Variants in RNF144A observed in about 807,000 individuals in gnomAD.
RNF144A encodes the protein E3 ubiquitin-protein ligase RNF144A.
Under a neutral mutation model 38.7 loss-of-function variants are expected in RNF144A, and 11 were observed. The observed-to-expected ratio is 0.28, with a 90% CI of 0.18 to 0.47. RNF144A has a LOEUF of 0.47. Among genes scored for constraint, RNF144A ranks in the 20% least tolerant of loss-of-function variants. The probability of loss-of-function intolerance (pLI) is 0.99; values close to 1 mark genes in which losing one functional copy is unlikely to be tolerated. For synonymous variants in RNF144A, 149 were observed against 143.9 expected, an observed-to-expected ratio of 1.04 and a Z score of -0.25; for missense variants, 316 against 377.2, an observed-to-expected ratio of 0.84 and a Z score of 1.34.
In RNF144A at chr2:6,925,244, C is replaced by A. The variant is rs143087567; in HGVS notation, c.-212+7622C>A. On this transcript the variant is annotated intron_variant, in intron 1 of 8. Coordinates refer to ENST00000320892, the MANE Select transcript of RNF144A (RefSeq NM_014746.6). ...TGGGATGGGGCTGGCTGTATCCTCA[C>A]AGATCTCACTCACAGATTGCAGGCC... Among the ~76,000 whole-genome samples the A allele has an allele frequency of 3.3e-5, 5 of 152,246 alleles. No individual in the cohort carries two copies. The East Asian group carries it at 7.7e-4, about 24-fold the overall frequency.
intron 5 of RNF144A, among the ~76,000 whole-genome samples, chr2:7,018,137 C>G (rs1671263746): frequency 6.6e-6 from 1 of 152,154 alleles, no homozygotes; most frequent in South Asian, 2.1e-4. Context: ...GATGTCTGCT[C>G]CTTGCTGATG....
Position 7,040,044 on chromosome 2 carries a change from T to C in RNF144A, c.*284T>C. On this transcript the variant is annotated 3_prime_UTR_variant, in exon 9 of 9. Coordinates refer to ENST00000320892, the MANE Select transcript of RNF144A (RefSeq NM_014746.6). ...GTGAGAAGTGCACCAGGCAGCTTTC[T>C]CTCTGTGGTAGACTAGGCATGTCTG... The C allele has an allele frequency of 8.7e-7, 1 of 1,146,072 alleles. No homozygotes were observed. Among genetic ancestry groups the C allele is most frequent in the East Asian group, 5.7e-5 (1 of 17,588 alleles). 71.0% of individuals were successfully genotyped at this position (1,146,072 alleles called of 1,614,324 possible).
intron 5 of RNF144A, among the ~76,000 whole-genome samples, chr2:7,017,401 C>T (rs1461871195): frequency 6.6e-6 from 1 of 151,664 alleles, no homozygotes; most frequent in Non-Finnish European, 1.5e-5. Flanking sequence ...TGACTAGAGC[C>T]GACTCCTGAA....
At chr2:6,990,414 ACACACACACAC>A (rs1669266789) in intron 2 of RNF144A, among the ~76,000 whole-genome samples, 3 of 140,182 alleles carry the variant, frequency 2.1e-5, no homozygotes, top group Admixed American at 7.2e-5. Context: ...ACACACACAC[ACACACACACAC>A]ACACACACAC....
intron 3 of RNF144A, among the ~76,000 whole-genome samples, chr2:7,002,926 T>C (rs190755968): frequency 6.6e-6 from 1 of 152,212 alleles, no homozygotes; most frequent in East Asian, 1.9e-4. Context: ...GCCAGTGACA[T>C]GGATGATCCT....
chr2:6,967,461 T>C lies in RNF144A; in HGVS notation c.-12+26314T>C, dbSNP rs60194531. 0.034 allele frequency among the ~76,000 whole-genome samples: 5,196 copies of C among 152,216 alleles called. 713 individuals are homozygous for C. The East Asian group carries it at 0.48, about 14-fold the overall frequency. On this transcript the variant is annotated intron_variant, in intron 2 of 8. Coordinates refer to ENST00000320892, the MANE Select transcript of RNF144A (RefSeq NM_014746.6). ...CCATTGTGCCCCACCCTTGCCCCTT[T>C]CTGCATGGGGACTTTGAGGAGCCCC...
chr2:6,974,960 A>G (rs1217935345), intron 2 of RNF144A, among the ~76,000 whole-genome samples: 1 of 152,224 alleles, frequency 6.6e-6, no homozygotes, highest in Non-Finnish European at 1.5e-5. Flanking sequence ...GCTTGGTTAT[A>G]ACCGGAAAAG....
At chr2:6,942,923 G>T (rs966516532) in intron 2 of RNF144A, among the ~76,000 whole-genome samples, 1 of 152,202 alleles carries the variant, frequency 6.6e-6, no homozygotes, top group Admixed American at 6.5e-5. Context: ...GGCGGAGGTC[G>T]CAGTGAGCTG....
At chr2:6,987,525 A>C (rs1669038249) in intron 2 of RNF144A, among the ~76,000 whole-genome samples, 1 of 152,236 alleles carries the variant, frequency 6.6e-6, no homozygotes, top group African/African-American at 2.4e-5. Flanking sequence ...GTTCCATGTA[A>C]GTAGACTTTC....
Position 7,041,454 on chromosome 2 carries a change from C to T in RNF144A, c.*1694C>T, listed in dbSNP as rs991700108. 1.0e-6 allele frequency: 1 copy of T among 985,860 alleles called. No individual in the cohort carries two copies. Among genetic ancestry groups the T allele is most frequent in the Middle Eastern group, 5.2e-4 (1 of 1,914 alleles). The allele number at this position is 985,860 out of a possible 1,614,324, so 61.1% of individuals were successfully genotyped here. A position where few individuals can be genotyped will look rare whatever the true frequency, so the allele number is the denominator to read the frequency against. ...GTGTGTCAAAATTACATTCAAAAAG[C>T]TCTCCTTGTAATTGCAAGTTTAGTA... On this transcript the variant is annotated 3_prime_UTR_variant, in exon 9 of 9. Transcript: ENST00000320892.
chr2:7,030,132 T>C lies in RNF144A; in HGVS notation c.664T>C (p.Phe222Leu). The C allele has an allele frequency of 6.2e-7, 1 of 1,613,200 alleles. No individual in the cohort carries two copies. Among genetic ancestry groups the C allele is most frequent in the Non-Finnish European group, 8.5e-7 (1 of 1,179,180 alleles). Residue 222 changes from phenylalanine to leucine, a missense_variant, in exon 8 of 9, where the codon TTC becomes CTC. Transcript: ENST00000320892. ...WYCLESLDDD[F>L]LLIHYDKGPC... ...CTGTCTCTGCCCCTCACAGGATGAT[T>C]TCCTTCTGATACACTACGATAAGGG...
At chr2:7,030,952 G>A (rs1435928915) in intron 8 of RNF144A, among the ~76,000 whole-genome samples, 5 of 152,016 alleles carry the variant, frequency 3.3e-5, no homozygotes, top group South Asian at 2.1e-4. Context: ...CAGATCCCTC[G>A]CATGCGCAGT....
chr2:7,010,895 G>A (rs1282534327), intron 3 of RNF144A, among the ~76,000 whole-genome samples: 1 of 151,972 alleles, frequency 6.6e-6, no homozygotes, highest in Non-Finnish European at 1.5e-5. Context: ...GCATTGTGAT[G>A]ATGATCTGTG....
chr2:7,032,687 A>G (rs916992372), intron 8 of RNF144A, among the ~76,000 whole-genome samples: 1 of 152,072 alleles, frequency 6.6e-6, no homozygotes, highest in Non-Finnish European at 1.5e-5. Flanking sequence ...CCCCCTTTCT[A>G]TCAGGACATC....
intron 3 of RNF144A, among the ~76,000 whole-genome samples, chr2:7,006,290 A>G (rs1033752354): frequency 2.0e-5 from 3 of 152,200 alleles, no homozygotes; most frequent in African/African-American, 7.2e-5. Context: ...AATCAAGAGT[A>G]TGAAAAACTA....
At chr2:7,000,424 A>C (rs752166687) in intron 3 of RNF144A, among the ~76,000 whole-genome samples, 4 of 152,198 alleles carry the variant, frequency 2.6e-5, no homozygotes, top group Admixed American at 1.3e-4. Flanking sequence ...TCGTTTTGTC[A>C]ATCAGAGATG....
At chr2:6,921,788 G>T (rs1473646039) in intron 1 of RNF144A, among the ~76,000 whole-genome samples, 1 of 152,174 alleles carries the variant, frequency 6.6e-6, no homozygotes, top group Admixed American at 6.5e-5. Flanking sequence ...CGATGCTGTT[G>T]GTCTGGGATG....
At chr2:6,960,631 C>G (rs1667276790) in intron 2 of RNF144A, among the ~76,000 whole-genome samples, 2 of 152,312 alleles carry the variant, frequency 1.3e-5, no homozygotes, top group Admixed American at 1.3e-4. Flanking sequence ...CTGACCTGCT[C>G]TCTGCGTAGA....
At chr2:7,038,945 G>A (rs1292238032) in intron 8 of RNF144A, among the ~76,000 whole-genome samples, 2 of 151,786 alleles carry the variant, frequency 1.3e-5, no homozygotes, top group African/African-American at 4.8e-5. Flanking sequence ...TAGATGGATA[G>A]ATGCGTGGGT....
Sources: allele counts gnomAD v4.1 joint callset (sites outside exome capture counted in the v4.1 genomes callset), GRCh38; gene constraint gnomAD v4.1.1; transcripts MANE v1.5; gene names NCBI Gene and HGNC (gene_info 2026-07-23, HGNC 2026-07-21).